The following FAM53B variants were observed in gnomAD, a reference collection of about 807,000 sequenced individuals.
FAM53B encodes the protein family with sequence similarity 53 member B.
A neutral mutation model predicts 32.7 loss-of-function variants in FAM53B; 12 were observed. The observed-to-expected ratio is 0.37, with a 90% confidence interval of 0.24 to 0.59. FAM53B has a LOEUF of 0.59. FAM53B is among the 20% of genes least tolerant of loss of function. FAM53B has a pLI of 0.72. For missense variants in FAM53B, 477 were observed against 577.7 expected (o/e 0.83, Z 1.79); for synonymous variants, 234 against 228.7 (o/e 1.02, Z -0.21).
intron 3 of FAM53B, among the ~76,000 whole-genome samples, chr10:124,690,349 T>C (rs1949825884): frequency 6.6e-6 from 1 of 152,228 alleles, no homozygotes; most frequent in East Asian, 1.9e-4. Flanking sequence ...ATCTCCCCCA[T>C]GGACACACAT....
rs756206184 is a variant in FAM53B at position 124,682,426 on chromosome 10, A to C, written c.134-47T>G. On this transcript the variant is annotated intron_variant, in intron 3 of 4. Transcript: ENST00000337318. This position sits in a 1 kb window ranked among gnomAD's most constrained non-coding sequence, Gnocchi z 5.2. ...GAAAACAGGATTTGAGAAGACCTTC[A>C]CTCCAGCCCTTTATTATCTCCACAC... 6.0e-6 allele frequency: 9 copies of C among 1,507,620 alleles called. No individual in the cohort carries two copies. The highest frequency in any genetic ancestry group is 8.1e-6 in the Non-Finnish European group (9 of 1,116,240). The allele number at this position is 1,507,620 out of a possible 1,614,324, so 93.4% of individuals were successfully genotyped here.
chr10:124,671,678 C>A (rs1484916367), intron 4 of FAM53B, among the ~76,000 whole-genome samples: 1 of 152,178 alleles, frequency 6.6e-6, no homozygotes, highest in African/African-American at 2.4e-5. Flanking sequence ...TCTGGTGACA[C>A]ATTACTGATG....
chr10:124,732,191 G>A (rs1482119865), intron 1 of FAM53B, among the ~76,000 whole-genome samples: 1 of 152,192 alleles, frequency 6.6e-6, no homozygotes, highest in African/African-American at 2.4e-5. Context: ...AAGTGCCTGG[G>A]CTCCAGCTCT....
Position 124,660,974 on chromosome 10 carries a change from G to A in FAM53B, c.906+20633C>T, listed in dbSNP as rs148830744. Among the ~76,000 whole-genome samples the A allele has an allele frequency of 3.9e-3, 591 of 151,056 alleles. 8 individuals carry two copies. Among genetic ancestry groups the A allele is most frequent in the African/African-American group, 0.014 (555 of 41,000 alleles). ...ACAATGTACACTACTTGAGTGACAG[G>A]TGCACTAAAATCTCAGACTTCACCA... On this transcript the variant is annotated intron_variant, in intron 4 of 4. Transcript: ENST00000337318.
chr10:124,686,766 G>A (rs1243807607), intron 3 of FAM53B, among the ~76,000 whole-genome samples: 1 of 152,244 alleles, frequency 6.6e-6, no homozygotes, highest in East Asian at 1.9e-4. Flanking sequence ...GCAAACTGCA[G>A]ATAAAAGCTA....
chr10:124,662,268 A>G (rs1022611904), intron 4 of FAM53B, among the ~76,000 whole-genome samples: 7 of 152,252 alleles, frequency 4.6e-5, no homozygotes, highest in Middle Eastern at 3.2e-3. Flanking sequence ...GATAATCCAC[A>G]GCTACACAAA....
At chr10:124,627,276 C>T (rs1193690685) in intron 4 of FAM53B, among the ~76,000 whole-genome samples, 3 of 152,196 alleles carry the variant, frequency 2.0e-5, no homozygotes, top group Non-Finnish European at 4.4e-5. Context: ...GGCCCTGCAG[C>T]TGCCCTGTGC....
intron 1 of FAM53B, among the ~76,000 whole-genome samples, chr10:124,723,649 G>T (rs1950083782): frequency 6.6e-6 from 1 of 152,210 alleles, no homozygotes; most frequent in African/African-American, 2.4e-5. Flanking sequence ...CTGCTTTTAG[G>T]AGGAAGAGTC....
chr10:124,713,971 T>C (rs1294181026), intron 1 of FAM53B: 2 of 152,166 alleles, frequency 1.3e-5, no homozygotes, highest in Non-Finnish European at 2.9e-5. Flanking sequence ...GTAGCTTCAG[T>C]TGTTGGTGTG....
Position 124,646,768 on chromosome 10 carries a change from A to T in FAM53B, c.907-23164T>A, listed in dbSNP as rs561270497. 3.9e-5 allele frequency among the ~76,000 whole-genome samples: 6 copies of T among 152,330 alleles called. No individual in the cohort carries two copies. In the East Asian group the frequency reaches 1.2e-3, roughly 29 times the overall value. ...CTGCAATACTGGGGTGATTCATCCC[A>T]TTACTTTAAGGGGAGGCTGGAAGCA... is the stretch of plus-strand genomic sequence containing the variant. On this transcript the variant is annotated intron_variant, in intron 4 of 4. Transcript: ENST00000337318.
At position 124,744,321 on chromosome 10, in the gene FAM53B, GGC is replaced by G. The variant is rs1460746631; in HGVS notation, c.-485_-484del. 6.8e-6 allele frequency: 1 copy of G among 147,450 alleles called. No individual in the cohort carries two copies. Among genetic ancestry groups the G allele is most frequent in the Non-Finnish European group, 1.5e-5 (1 of 66,128 alleles). 9.1% of individuals were successfully genotyped at this position (147,450 alleles called of 1,614,324 possible). On this transcript the variant is annotated 5_prime_UTR_variant, in exon 1 of 5. Transcript: ENST00000337318. The stretch of plus-strand genomic sequence containing the variant: ...TGTCGCGGGCCCGGGCGCTAGGCGC[GGC>G]GGCGGCGTGCAGGAGGCAGGCGGCG...
At chr10:124,711,546 T>G (rs1950003648) in intron 1 of FAM53B, among the ~76,000 whole-genome samples, 1 of 152,212 alleles carries the variant, frequency 6.6e-6, no homozygotes, top group South Asian at 2.1e-4. Context: ...AAAAAAATTT[T>G]AAATAAATCC....
Position 124,656,613 on chromosome 10 carries a change from C to T in FAM53B, c.906+24994G>A, listed in dbSNP as rs149747793. Among the ~76,000 whole-genome samples the T allele has an allele frequency of 4.8e-3, 734 of 152,256 alleles. 1 individual carries two copies. Among genetic ancestry groups the T allele is most frequent in the Middle Eastern group, 0.014 (4 of 294 alleles). On this transcript the variant is annotated intron_variant, in intron 4 of 4. Transcript: ENST00000337318. ...TTGGTGCGGCCAGGCCAGCCCAGCC[C>T]CTAAGGCCAGACAACACGACCCTCC...
intron 4 of FAM53B, among the ~76,000 whole-genome samples, chr10:124,643,613 CTT>C (rs904834326): frequency 1.1e-4 from 16 of 152,278 alleles, no homozygotes; most frequent in African/African-American, 3.1e-4. Flanking sequence ...CTTTCTCTCT[CTT>C]GTTTTCATTC....
At chr10:124,705,090 G>A (rs1453750459) in intron 2 of FAM53B, among the ~76,000 whole-genome samples, 1 of 152,244 alleles carries the variant, frequency 6.6e-6, no homozygotes, top group African/African-American at 2.4e-5. Context: ...GGGACATGGG[G>A]AGGAGCAAAG....
intron 4 of FAM53B, 38 bp downstream of exon 4, chr10:124,681,569 T>C: frequency 6.6e-7 from 1 of 1,512,706 alleles, no homozygotes; most frequent in Non-Finnish European, 8.9e-7. Flanking sequence ...GAGGCTCCAG[T>C]GAGCACCAAG....
intron 1 of FAM53B, among the ~76,000 whole-genome samples, chr10:124,734,779 T>C (rs1216191278): frequency 6.6e-6 from 1 of 152,150 alleles, no homozygotes; most frequent in South Asian, 2.1e-4. Flanking sequence ...AGACTGTCCA[T>C]CCTGTTCACC....
intron 1 of FAM53B, among the ~76,000 whole-genome samples, chr10:124,710,437 C>G (rs1466562276): frequency 1.3e-5 from 2 of 152,222 alleles, no homozygotes; most frequent in Non-Finnish European, 2.9e-5. Context: ...ACCAGCAGAG[C>G]CCAGCACGAT....
At chr10:124,685,618 C>T (rs188555005) in intron 3 of FAM53B, among the ~76,000 whole-genome samples, 3 of 152,344 alleles carry the variant, frequency 2.0e-5, no homozygotes, top group Admixed American at 2.0e-4. Context: ...CGGGGAAACC[C>T]GTGACATGAA....
Sources: allele counts gnomAD v4.1 joint callset (sites outside exome capture counted in the v4.1 genomes callset), GRCh38; gene constraint gnomAD v4.1.1; non-coding constraint Gnocchi (gnomAD v3.1); transcripts MANE v1.5; gene names NCBI Gene and HGNC (gene_info 2026-07-23, HGNC 2026-07-21).